PDE1C: variants seen among roughly 807,000 people sequenced by gnomAD.
The protein encoded by PDE1C is phosphodiesterase 1C.
Under a neutral mutation model 93.1 loss-of-function variants are expected in PDE1C, and 62 were observed. The ratio of observed to expected loss-of-function variants is 0.67; its 90% CI spans 0.54 to 0.82. PDE1C has a LOEUF of 0.82. Ranked by LOEUF, PDE1C falls within the 40% of genes least tolerant of loss-of-function variation. The probability of loss-of-function intolerance (pLI) is 0.00; values close to 1 mark genes in which losing one functional copy is unlikely to be tolerated. For missense variants in PDE1C, 742 were observed against 884.6 expected (o/e 0.84, Z 2.04); for synonymous variants, 325 against 310.1 (o/e 1.05, Z -0.50).
chr7:31,841,209 G>GTCTCTCTCTCTC (rs377551907), intron 9 of PDE1C, among the ~76,000 whole-genome samples: 5,229 of 140,100 alleles, frequency 0.037, 118 homozygotes, highest in South Asian at 0.071. Context: ...CCCTCTCTCT[G>GTCTCTCTCTCTC]TCTCTCTCTC....
intron 3 of PDE1C, among the ~76,000 whole-genome samples, chr7:32,126,687 G>A (rs939950639): frequency 6.6e-6 from 1 of 152,056 alleles, no homozygotes; most frequent in African/African-American, 2.4e-5. Flanking sequence ...GTACAAAAAG[G>A]TATAGTCTCT....
chr7:32,427,577 A>G (rs1785560529), intron 1 of PDE1C, among the ~76,000 whole-genome samples: 1 of 152,150 alleles, frequency 6.6e-6, no homozygotes, highest in Admixed American at 6.5e-5. Context: ...CCCGGTACTA[A>G]GCTGGGGAAA....
chr7:31,906,455 G>A lies in PDE1C; in HGVS notation c.129-25595C>T, dbSNP rs570599252. ...AATTTTAACTTTGCTTTAAATAAATGAAGTGTAGAGTGAGGTACATTTCCT... is the reference window on the plus strand; with the variant it reads ...AATTTTAACTTTGCTTTAAATAAATAAAGTGTAGAGTGAGGTACATTTCCT... On this transcript the variant is annotated intron_variant, in intron 2 of 17. Transcript: ENST00000396191. 2.0e-5 allele frequency among the ~76,000 whole-genome samples: 3 copies of A among 152,272 alleles called. No individual in the cohort carries two copies. The South Asian group carries it at 6.2e-4, about 32-fold the overall frequency.
At chr7:32,058,293 C>G (rs1427180037) in intron 1 of PDE1C, among the ~76,000 whole-genome samples, 1 of 152,164 alleles carries the variant, frequency 6.6e-6, no homozygotes, top group African/African-American at 2.4e-5. Flanking sequence ...AAGCTTGGTT[C>G]TCAGCCCTCA....
the PDE1C span, chr7:31,643,920 C>G: frequency 5.2e-5 from 84 of 1,613,412 alleles, 1 homozygote; most frequent in South Asian, 4.6e-4. Context: ...CTTTGAAAGC[C>G]CTTCAGGACA....
chr7:32,298,253 A>T (rs1812752379), intron 1 of PDE1C, among the ~76,000 whole-genome samples: 1 of 151,690 alleles, frequency 6.6e-6, no homozygotes, highest in Admixed American at 6.6e-5. Flanking sequence ...TGTCTCTATC[A>T]TGTCCACATC....
Position 31,852,064 on chromosome 7 carries a change from A to C in PDE1C, c.751-1323T>G, listed in dbSNP as rs192513197. On this transcript the variant is annotated intron_variant, in intron 7 of 17. Coordinates refer to ENST00000396191, the MANE Select transcript of PDE1C (RefSeq NM_001191057.4). Reference sequence around the variant, plus strand: ...GCATAAAATAGATTCATATGATTTAAGTTAACGCAAAATGAGTTAAAATGA... The same window carrying C: ...GCATAAAATAGATTCATATGATTTACGTTAACGCAAAATGAGTTAAAATGA... 5.1e-3 allele frequency among the ~76,000 whole-genome samples: 773 copies of C among 152,338 alleles called. 4 individuals are homozygous for C. The highest frequency in any genetic ancestry group is 0.018 in the African/African-American group (731 of 41,570).
chr7:32,415,309 G>A (rs1785251411), intron 1 of PDE1C, among the ~76,000 whole-genome samples: 1 of 152,086 alleles, frequency 6.6e-6, no homozygotes, highest in Non-Finnish European at 1.5e-5. Flanking sequence ...AAATTAGCCA[G>A]GCATGGTGGC....
chr7:32,257,221 G>A (rs1449772982), intron 1 of PDE1C, among the ~76,000 whole-genome samples: 1 of 152,072 alleles, frequency 6.6e-6, no homozygotes, highest in African/African-American at 2.4e-5. Context: ...GACAGAGAAA[G>A]GAGAAAAAAA....
At position 32,042,437 on chromosome 7, in the gene PDE1C, T is replaced by C. The variant is rs996471540; in HGVS notation, c.128+9117A>G. Among the ~76,000 whole-genome samples, 7 of 152,200 alleles carry C rather than the reference T, an allele frequency of 4.6e-5. No individual in the cohort carries two copies. The South Asian group carries it at 1.0e-3, about 23-fold the overall frequency. On this transcript the variant is annotated intron_variant, in intron 2 of 17. Coordinates refer to ENST00000396191, the MANE Select transcript of PDE1C (RefSeq NM_001191057.4). ...CATTTGTCTGCTCATTTGAGTTACC[T>C]CAGATGAGTTACCTCTTTTCCATGA...
intron 11 of PDE1C, among the ~76,000 whole-genome samples, chr7:31,833,759 C>T (rs1235164636): frequency 6.6e-6 from 1 of 152,070 alleles, no homozygotes; most frequent in African/African-American, 2.4e-5. Flanking sequence ...TAAAAGCATT[C>T]GGTTTTAAAA....
intron 5 of PDE1C, 135 bp downstream of exon 5, chr7:31,877,835 A>G (rs1796781869): frequency 1.6e-6 from 1 of 609,076 alleles, no homozygotes; most frequent in African/African-American, 1.9e-5. Context: ...ACAAATAATA[A>G]AAAGATAATG....
At chr7:31,975,453 C>G (rs1811542084) in intron 2 of PDE1C, among the ~76,000 whole-genome samples, 1 of 152,098 alleles carries the variant, frequency 6.6e-6, no homozygotes, top group Non-Finnish European at 1.5e-5. Flanking sequence ...TTGAGACTAA[C>G]AAGAAGGTGA....
chr7:31,968,305 C>T (rs9632561), intron 2 of PDE1C, among the ~76,000 whole-genome samples: 22,287 of 151,822 alleles, frequency 0.15, 1,923 homozygotes, highest in African/African-American at 0.23. Flanking sequence ...AGCATTCTTA[C>T]ACACCAATAA....
chr7:32,210,696 G>T lies in PDE1C; in HGVS notation c.86-1157C>A, dbSNP rs547416137. On this transcript the variant is annotated intron_variant, in intron 1 of 18. Coordinates refer to the PDE1C transcript ENST00000396193. ...CCATCTACACTCTATTACTAATAAG[G>T]CCAATTACTAATTTGGGCAATTTGT... 2.0e-5 allele frequency among the ~76,000 whole-genome samples: 3 copies of T among 152,016 alleles called. No individual in the cohort carries two copies. In the South Asian group the frequency reaches 6.2e-4, roughly 32 times the overall value.
the PDE1C span, among the ~76,000 whole-genome samples, chr7:31,703,544 T>C: frequency 6.6e-6 from 1 of 152,232 alleles, no homozygotes; most frequent in Non-Finnish European, 1.5e-5. Flanking sequence ...TTACAGATAT[T>C]GTGTGATTCT....
chr7:31,677,057 T>C, the PDE1C span, among the ~76,000 whole-genome samples: 1 of 152,102 alleles, frequency 6.6e-6, no homozygotes, highest in Non-Finnish European at 1.5e-5. Context: ...AAAACGTAAA[T>C]TGAAATGAAT....
chr7:31,762,816 C>A (rs1794917238), intron 17 of PDE1C, among the ~76,000 whole-genome samples: 1 of 152,164 alleles, frequency 6.6e-6, no homozygotes, highest in Non-Finnish European at 1.5e-5. Flanking sequence ...CTGTCTGAAC[C>A]AAACGGCCAC....
At chr7:32,048,610 G>A (rs1792919318) in intron 2 of PDE1C, among the ~76,000 whole-genome samples, 1 of 152,072 alleles carries the variant, frequency 6.6e-6, no homozygotes, top group Non-Finnish European at 1.5e-5. Context: ...TCCATCCCCA[G>A]CAGCCCCAGT....
Sources: allele counts gnomAD v4.1 joint callset (sites outside exome capture counted in the v4.1 genomes callset), GRCh38; gene constraint gnomAD v4.1.1; transcripts MANE v1.5; gene names NCBI Gene and HGNC (gene_info 2026-07-23, HGNC 2026-07-21).